The following BLTP3A variants were observed in gnomAD, a reference collection of about 807,000 sequenced individuals.
The protein encoded by BLTP3A is bridge-like lipid transfer protein family member 3A.
At chr6:34,847,975 A>T in the BLTP3A span, among the ~76,000 whole-genome samples, 1 of 125,586 alleles carries the variant, frequency 8.0e-6, no homozygotes, top group African/African-American at 3.2e-5. Flanking sequence ...GGCTGGATGC[A>T]GTGGCGTAAT....
At chr6:34,813,817 G>C in the BLTP3A span, among the ~76,000 whole-genome samples, 1 of 152,114 alleles carries the variant, frequency 6.6e-6, no homozygotes, top group Admixed American at 6.6e-5. Context: ...TCATCACGTT[G>C]CTGCAGTTTA....
At chr6:34,844,118 C>T in the BLTP3A span, among the ~76,000 whole-genome samples, 8 of 151,710 alleles carry the variant, frequency 5.3e-5, 1 homozygote, top group South Asian at 1.7e-3. Flanking sequence ...GTAGCTGGGA[C>T]TACAGGCGCC....
At chr6:34,809,598 C>T in the BLTP3A span, among the ~76,000 whole-genome samples, 4 of 152,086 alleles carry the variant, frequency 2.6e-5, no homozygotes, top group African/African-American at 7.2e-5. Flanking sequence ...CAGGGTCTTG[C>T]TCTGTTGCCC....
At chr6:34,859,852 C>T in the BLTP3A span, among the ~76,000 whole-genome samples, 2 of 152,164 alleles carry the variant, frequency 1.3e-5, no homozygotes, top group Non-Finnish European at 2.9e-5. Context: ...CTGCAATCCT[C>T]CTGCCTTGGC....
At chr6:34,794,877 C>T in the BLTP3A span, among the ~76,000 whole-genome samples, 4 of 151,756 alleles carry the variant, frequency 2.6e-5, no homozygotes, top group African/African-American at 4.8e-5. Context: ...CTCCAACTAC[C>T]GGGTTCAAGA....
chr6:34,851,897 C>T, the BLTP3A span, among the ~76,000 whole-genome samples: 1 of 152,150 alleles, frequency 6.6e-6, no homozygotes, highest in Non-Finnish European at 1.5e-5. Flanking sequence ...TCTCCAGGAC[C>T]ACCACTGCCC....
the BLTP3A span, chr6:34,870,851 A>G: frequency 6.2e-7 from 1 of 1,613,110 alleles, no homozygotes; most frequent in African/African-American, 1.3e-5. Flanking sequence ...TTTCTTCACA[A>G]AGGTACATGC....
the BLTP3A span, among the ~76,000 whole-genome samples, chr6:34,799,159 C>T: frequency 6.6e-6 from 1 of 152,094 alleles, no homozygotes; most frequent in African/African-American, 2.4e-5. Flanking sequence ...CCGGGCTGGT[C>T]TTGAACTCCA....
chr6:34,857,285 CT>C, the BLTP3A span: 6 of 1,611,124 alleles, frequency 3.7e-6, no homozygotes, highest in African/African-American at 2.7e-5. Context: ...GAGGGCTGCT[CT>C]AAGTTTGATT....
chr6:34,871,016 C>T, the BLTP3A span: 1 of 1,614,138 alleles, frequency 6.2e-7, no homozygotes, highest in East Asian at 2.2e-5. Flanking sequence ...GAGCTGCTCA[C>T]TTCAGTGCTC....
At chr6:34,856,614 A>G in the BLTP3A span, among the ~76,000 whole-genome samples, 4 of 152,178 alleles carry the variant, frequency 2.6e-5, no homozygotes, top group Non-Finnish European at 5.9e-5. Flanking sequence ...TATTCAGTAG[A>G]CTGTTGCCTT....
chr6:34,815,486 G>A, the BLTP3A span, among the ~76,000 whole-genome samples: 1 of 152,016 alleles, frequency 6.6e-6, no homozygotes, highest in Non-Finnish European at 1.5e-5. Flanking sequence ...CTGACCTCAG[G>A]TGATCTGCCT....
At chr6:34,841,091 G>T in the BLTP3A span, among the ~76,000 whole-genome samples, 8 of 151,944 alleles carry the variant, frequency 5.3e-5, no homozygotes, top group East Asian at 5.8e-4. Context: ...CGCCTAAGCC[G>T]CCTGGGTAGC....
At chr6:34,858,092 A>G in the BLTP3A span, 1 of 1,600,194 alleles carries the variant, frequency 6.2e-7, no homozygotes, top group East Asian at 2.2e-5. Context: ...TCAGATGACC[A>G]TTCTGAATTG....
the BLTP3A span, chr6:34,876,210 C>T: frequency 6.5e-6 from 1 of 152,730 alleles, no homozygotes; most frequent in East Asian, 1.9e-4. Context: ...CAGGTGGGTT[C>T]TATTCACATG....
At chr6:34,843,083 A>G in the BLTP3A span, among the ~76,000 whole-genome samples, 1 of 152,166 alleles carries the variant, frequency 6.6e-6, no homozygotes, top group African/African-American at 2.4e-5. Flanking sequence ...TCCCAGACTC[A>G]AACGATCCTC....
chr6:34,872,424 T>G, the BLTP3A span: 1 of 1,609,252 alleles, frequency 6.2e-7, no homozygotes, highest in East Asian at 2.2e-5. Flanking sequence ...ATATAACCCC[T>G]TCTTTGAGCT....
chr6:34,839,813 C>T, the BLTP3A span, among the ~76,000 whole-genome samples: 1 of 152,254 alleles, frequency 6.6e-6, no homozygotes, highest in East Asian at 1.9e-4. Flanking sequence ...CTCTTTCCCT[C>T]TGGGCACAAC....
the BLTP3A span, chr6:34,859,688 A>G: frequency 7.1e-7 from 1 of 1,418,308 alleles, no homozygotes. Context: ...ATAGTCCAGG[A>G]GAATGCATAG....
Sources: gnomAD v4.1 joint callset for allele counts (sites outside exome capture counted in the v4.1 genomes callset) on GRCh38, gnomAD v4.1.1 for gene constraint, MANE v1.5 for transcripts, NCBI Gene and HGNC (gene_info 2026-07-23, HGNC 2026-07-21) for gene names.